Variants in ZNF12 observed in about 807,000 individuals in gnomAD.
The protein encoded by ZNF12 is gonadotropin inducible transcription repressor 3.
Under a neutral mutation model 66.6 loss-of-function variants are expected in ZNF12, and 34 were observed. That is an observed-to-expected ratio of 0.51 (90% CI 0.39 to 0.68). The LOEUF is 0.68. Ranked by LOEUF, ZNF12 falls within the 30% of genes least tolerant of loss-of-function variation. The pLI is 0.00. For synonymous variants in ZNF12, 320 were observed against 278.9 expected, an observed-to-expected ratio of 1.15 and a Z score of -1.47; for missense variants, 697 against 826.9, an observed-to-expected ratio of 0.84 and a Z score of 1.93.
rs1395189315 is a variant in ZNF12 at position 6,691,079 on chromosome 7, A to G, written c.1863T>C (p.Thr621=). The change falls in exon 5 of 5, where the codon ACT becomes ACC. Residue 621 remains threonine, a synonymous_variant. Transcript: ENST00000405858. ...GKCFSQMSYL[T]IHHRIHSGEK... is the part of the protein sequence containing the mutation. ...CTCCTGAATGAATTCGATGATGTAT[A>G]GTGAGATAGGACATCTGAGAGAAGC... is the stretch of plus-strand genomic sequence containing the variant. 1.2e-6 allele frequency: 2 copies of G among 1,614,154 alleles called. No homozygotes were observed. The highest frequency in any genetic ancestry group is 2.2e-5 in the East Asian group (1 of 44,868).
rs148050087 is a variant in ZNF12, at chr7:6,689,726, G to A, written c.*1122C>T. 3.3e-5 allele frequency: 5 copies of A among 152,540 alleles called. No homozygotes were observed. The highest frequency in any genetic ancestry group is 1.9e-4 in the East Asian group (1 of 5,172). The allele number at this position is 152,540 out of a possible 1,614,324, so 9.4% of individuals were successfully genotyped here. ...GAATTCCTATGTTAGAAAGTCACTC[G>A]GCAATGTCTGCCACAGACCCTTGTT... On this transcript the variant is annotated 3_prime_UTR_variant, in exon 5 of 5. Coordinates refer to ENST00000405858, the MANE Select transcript of ZNF12 (RefSeq NM_016265.4).
Position 6,691,012 on chromosome 7 carries a change from G to A in ZNF12, c.1930C>T (p.Arg644Trp). 1.9e-6 allele frequency: 3 copies of A among 1,614,094 alleles called. No individual in the cohort carries two copies. Among genetic ancestry groups the A allele is most frequent in the Non-Finnish European group, 2.5e-6 (3 of 1,179,998 alleles). ...TAATGTACAGTGAGGTATGACATCCGAGAGAAGGCTTTTCCACACTCATTA... is the reference window on the plus strand; with the variant it reads ...TAATGTACAGTGAGGTATGACATCCAAGAGAAGGCTTTTCCACACTCATTA... Reference protein sequence around the residue: ...ECNECGKAFSRMSYLTVHYRT... With the variant: ...ECNECGKAFSWMSYLTVHYRT... The change falls in exon 5 of 5, where the codon CGG becomes TGG. Residue 644 changes from arginine to tryptophan, a missense_variant. By Grantham distance (101) the Arg-to-Trp change is moderately radical. Coordinates refer to ENST00000405858, the MANE Select transcript of ZNF12 (RefSeq NM_016265.4).
In ZNF12 at chr7:6,691,432, G is replaced by A; in HGVS notation, c.1510C>T (p.Gln504Ter). The A allele has an allele frequency of 1.9e-6, 3 of 1,613,992 alleles. No homozygotes were observed. The highest frequency in any genetic ancestry group is 2.5e-6 in the Non-Finnish European group (3 of 1,179,936). Residue 504 changes from glutamine (Q) to a stop codon, truncating the protein, a stop_gained, in exon 5 of 5, where the codon CAG becomes TAG. Coordinates refer to ENST00000405858, the MANE Select transcript of ZNF12 (RefSeq NM_016265.4). LOFTEE classifies it high-confidence loss of function. ...ECNECGKLFS[Q>*]LSYLTIHHRT... ...TGATGGATAGTGAGGTATGACAACT[G>A]GGAGAATAACTTTCCACATTCATTA... is the stretch of plus-strand genomic sequence containing the variant.
intron 2 of ZNF12, among the ~76,000 whole-genome samples, chr7:6,703,551 C>A (rs1282703116): frequency 2.0e-5 from 3 of 152,136 alleles, no homozygotes; most frequent in Non-Finnish European, 4.4e-5. Context: ...TCAATAGGAA[C>A]AAGAGAAGGC....
chr7:6,705,479 C>A lies in ZNF12; in HGVS notation c.-50-256G>T, dbSNP rs764558641. Among the ~76,000 whole-genome samples, 5 of 152,224 alleles carry A rather than the reference C, an allele frequency of 3.3e-5. No individual in the cohort carries two copies. The highest frequency in any genetic ancestry group is 7.3e-5 in the Non-Finnish European group (5 of 68,046). Reference sequence around the variant, plus strand: ...GAATACTGGATCCTACTGAAATAATCTGCCATCATTAAATGCAAGATTTAA... The same window carrying A: ...GAATACTGGATCCTACTGAAATAATATGCCATCATTAAATGCAAGATTTAA... On this transcript the variant is annotated intron_variant, in intron 1 of 4. Coordinates refer to ENST00000405858, the MANE Select transcript of ZNF12 (RefSeq NM_016265.4). The surrounding 1 kb of genome is among the most constrained non-coding windows in gnomAD (Gnocchi z 4.0).
chr7:6,690,947 T>C lies in ZNF12; in HGVS notation c.1995A>G (p.Glu665=), dbSNP rs368006161. 20 of 1,614,048 alleles carry C rather than the reference T, an allele frequency of 1.2e-5. 1 individual carries two copies. In the African/African-American group the frequency reaches 2.4e-4, roughly 19 times the overall value. The change falls in exon 5 of 5, where the codon GAA becomes GAG. Residue 665 remains glutamate (E), a synonymous_variant. Coordinates refer to ENST00000405858, the MANE Select transcript of ZNF12 (RefSeq NM_016265.4). ...HSGEKPYECT[E]CGKKFYHKSA... is the part of the protein sequence containing the mutation. ...ATTTGTGGTAGAATTTTTTTCCACA[T>C]TCAGTACACTCATAGGGTTTCTCTC...
Position 6,697,646 on chromosome 7 carries a change from C to A in ZNF12, c.142+39G>T. On this transcript the variant is annotated intron_variant, in intron 3 of 4. Coordinates refer to ENST00000405858, the MANE Select transcript of ZNF12 (RefSeq NM_016265.4). The surrounding 1 kb of genome is among the most constrained non-coding windows in gnomAD (Gnocchi z 6.1). ...AAAGTCATAAAATTTGTGAGAAATC[C>A]CATATATTTTAGCAACTGAGAAAGC... The A allele has an allele frequency of 6.2e-7, 1 of 1,611,444 alleles. No individual in the cohort carries two copies. The highest frequency in any genetic ancestry group is 8.5e-7 in the Non-Finnish European group (1 of 1,178,780).
At chr7:6,704,467 G>A (rs1780313562) in intron 2 of ZNF12, among the ~76,000 whole-genome samples, 1 of 150,632 alleles carries the variant, frequency 6.6e-6, no homozygotes, top group African/African-American at 2.4e-5. Context: ...AGTGGCTCAT[G>A]CCTGTAAGCT....
rs1780183166 is a variant in ZNF12, at chr7:6,698,275, T to C, written c.16-464A>G. On this transcript the variant is annotated intron_variant, in intron 2 of 4. Transcript: ENST00000405858. This position sits in a 1 kb window ranked among gnomAD's most constrained non-coding sequence, Gnocchi z 4.4. ...CTACTCCAAGTCATCCTGAATGTTG[T>C]GGGCCTACGGCTGTCTTGAGTCTTT... is the stretch of plus-strand genomic sequence containing the variant. Among the ~76,000 whole-genome samples, 1 of 90 alleles carries C rather than the reference T, an allele frequency of 0.011. No homozygotes were observed. Among genetic ancestry groups the C allele is most frequent in the Non-Finnish European group, 0.025 (1 of 40 alleles). The allele number at this position is 90 out of a possible 152,430, so 0.1% of individuals were successfully genotyped here.
intron 2 of ZNF12, among the ~76,000 whole-genome samples, chr7:6,699,457 A>G (rs945960452): frequency 2.0e-5 from 3 of 152,202 alleles, no homozygotes; most frequent in African/African-American, 7.2e-5. Flanking sequence ...GATGGGACAC[A>G]CGGTGGGGAA....
At chr7:6,700,363 C>T (rs891963872) in intron 2 of ZNF12, among the ~76,000 whole-genome samples, 18 of 148,856 alleles carry the variant, frequency 1.2e-4, no homozygotes, top group Non-Finnish European at 2.4e-4. Flanking sequence ...GCCAGGGACA[C>T]GATCTTGACC....
Position 6,690,555 on chromosome 7 carries a change from C to A in ZNF12, c.*293G>T. 1 of 269,918 alleles carries A rather than the reference C, an allele frequency of 3.7e-6. No individual in the cohort carries two copies. The highest frequency in any genetic ancestry group is 7.0e-6 in the Non-Finnish European group (1 of 143,634). The allele number at this position is 269,918 out of a possible 1,614,324, so 16.7% of individuals were successfully genotyped here. Reference sequence around the variant, plus strand: ...ACATTCCTTATACTGATAGATTTCCCCTTGGCTATGATTTCCCTGATATGC... The same window carrying A: ...ACATTCCTTATACTGATAGATTTCCACTTGGCTATGATTTCCCTGATATGC... On this transcript the variant is annotated 3_prime_UTR_variant, in exon 5 of 5. Coordinates refer to ENST00000405858, the MANE Select transcript of ZNF12 (RefSeq NM_016265.4).
Position 6,697,788 on chromosome 7 carries a change from C to G in ZNF12, c.39G>C (p.Val13=). The change falls in exon 3 of 5, where the codon GTG becomes GTC. Residue 13 remains valine, a synonymous_variant. Coordinates refer to ENST00000405858, the MANE Select transcript of ZNF12 (RefSeq NM_016265.4). This position sits in a 1 kb window ranked among gnomAD's most constrained non-coding sequence, Gnocchi z 6.1. The part of the protein sequence containing the change: ...KSLGPVSFKD[V]AVDFTQEEWQ... ...ATTCCTCCTGGGTGAAGTCCACAGC[C>G]ACGTCCTTGAATGACACTGGCCCCT... 1 of 1,614,168 alleles carries G rather than the reference C, an allele frequency of 6.2e-7. No homozygotes were observed. Among genetic ancestry groups the G allele is most frequent in the Non-Finnish European group, 8.5e-7 (1 of 1,180,032 alleles).
At position 6,705,090 on chromosome 7, in the gene ZNF12, C is replaced by T; in HGVS notation, c.15+69G>A. The T allele has an allele frequency of 6.4e-7, 1 of 1,556,312 alleles. No homozygotes were observed. The highest frequency in any genetic ancestry group is 8.7e-7 in the Non-Finnish European group (1 of 1,144,614). ...CTACTTTCCCATTTTAAACTTTGAA[C>T]CCTTAATCTCCTCCTAAGGTGTATT... On this transcript the variant is annotated intron_variant, in intron 2 of 4. Transcript: ENST00000405858. This position sits in a 1 kb window ranked among gnomAD's most constrained non-coding sequence, Gnocchi z 4.0.
Position 6,705,147 on chromosome 7 carries a change from A to T in ZNF12, c.15+12T>A. 6.2e-7 allele frequency: 1 copy of T among 1,613,622 alleles called. No individual in the cohort carries two copies. Among genetic ancestry groups the T allele is most frequent in the Non-Finnish European group, 8.5e-7 (1 of 1,179,662 alleles). On this transcript the variant is annotated intron_variant, in intron 2 of 4. Transcript: ENST00000405858. This position sits in a 1 kb window ranked among gnomAD's most constrained non-coding sequence, Gnocchi z 4.0. ...CAGAGTAGAGAATAAATACATGAAC[A>T]GAAACACTCACCAGGGATTTATTCA... is the stretch of plus-strand genomic sequence containing the variant.
chr7:6,697,576 G>A lies in ZNF12; in HGVS notation c.142+109C>T, dbSNP rs1301578804. 11 of 1,550,744 alleles carry A rather than the reference G, an allele frequency of 7.1e-6. No individual in the cohort carries two copies. Among genetic ancestry groups the A allele is most frequent in the Non-Finnish European group, 9.7e-6 (11 of 1,137,080 alleles). ...TCAAGACCAAAATGCCCTGCCTGGT[G>A]CCCAAAAACAGATTACTCACATTCG... On this transcript the variant is annotated intron_variant, in intron 3 of 4. Coordinates refer to ENST00000405858, the MANE Select transcript of ZNF12 (RefSeq NM_016265.4). The surrounding 1 kb of genome is among the most constrained non-coding windows in gnomAD (Gnocchi z 6.1).
At chr7:6,694,986 C>A (rs577368057) in intron 4 of ZNF12, among the ~76,000 whole-genome samples, 3 of 152,094 alleles carry the variant, frequency 2.0e-5, no homozygotes, top group African/African-American at 7.2e-5. Context: ...TGCAGTGGTG[C>A]GATCTCAGCT....
In ZNF12 at chr7:6,705,218, G is replaced by T; in HGVS notation, c.-45C>A. Reference sequence around the variant, plus strand: ...AATCTGGAGGACTGTGAAAGCGGAGGCAGATCTGGGGAAGGAAAACCCAAG... The same window carrying T: ...AATCTGGAGGACTGTGAAAGCGGAGTCAGATCTGGGGAAGGAAAACCCAAG... On this transcript the variant is annotated 5_prime_UTR_variant, in exon 2 of 5. Transcript: ENST00000405858. The surrounding 1 kb of genome is among the most constrained non-coding windows in gnomAD (Gnocchi z 4.0). 6.2e-7 allele frequency: 1 copy of T among 1,612,986 alleles called. No homozygotes were observed. The highest frequency in any genetic ancestry group is 8.5e-7 in the Non-Finnish European group (1 of 1,179,372).
At chr7:6,706,227 G>T (rs73331249) in intron 1 of ZNF12, among the ~76,000 whole-genome samples, 2 of 152,202 alleles carry the variant, frequency 1.3e-5, no homozygotes, top group South Asian at 4.1e-4. Context: ...TGAGGGGGGA[G>T]TGGAGACAAC....
Sources: gnomAD v4.1 joint callset for allele counts (sites outside exome capture counted in the v4.1 genomes callset) on GRCh38, gnomAD v4.1.1 for gene constraint, Gnocchi (gnomAD v3.1) non-coding constraint, MANE v1.5 for transcripts, NCBI Gene and HGNC (gene_info 2026-07-23, HGNC 2026-07-21) for gene names.